The following SCFD2 variants were observed in gnomAD, a reference collection of about 807,000 sequenced individuals.
The protein encoded by SCFD2 is sec1 family domain-containing protein 2.
A neutral mutation model predicts 58.9 loss-of-function variants in SCFD2; 54 were observed. That is an observed-to-expected ratio of 0.92 (90% CI 0.74 to 1.15). The LOEUF (loss-of-function observed/expected upper bound fraction) is 1.15, where lower values mean the gene tolerates loss of function less well. Ranked by LOEUF, SCFD2 falls within the 50% of genes most tolerant of loss-of-function variation. The probability of loss-of-function intolerance (pLI) is 0.00; values close to 1 mark genes in which losing one functional copy is unlikely to be tolerated. For synonymous variants in SCFD2, 321 were observed against 335.9 expected (o/e 0.96, Z 0.49); for missense variants, 805 against 836.6 (o/e 0.96, Z 0.47).
chr4:53,289,839 T>C (rs770743227), intron 3 of SCFD2, among the ~76,000 whole-genome samples: 2 of 152,158 alleles, frequency 1.3e-5, no homozygotes, highest in African/African-American at 4.8e-5. Flanking sequence ...GGGGTAGCTA[T>C]ACTTAGATAA....
At chr4:53,016,904 C>T (rs879684473) in intron 5 of SCFD2, among the ~76,000 whole-genome samples, 3 of 152,234 alleles carry the variant, frequency 2.0e-5, no homozygotes, top group African/African-American at 7.2e-5. Context: ...GTCAGGAGTT[C>T]GAGACCATCC....
chr4:53,308,796 G>A lies in SCFD2; in HGVS notation c.1135+4840C>T, dbSNP rs1429371963. ...CAGAAATGAAAGTAAGTGTGGCATT[G>A]GTGGAAAACAAAAATCACAAATCTT... is the stretch of plus-strand genomic sequence containing the variant. On this transcript the variant is annotated intron_variant, in intron 3 of 8. Coordinates refer to ENST00000401642, the MANE Select transcript of SCFD2 (RefSeq NM_152540.4). Among the ~76,000 whole-genome samples, 5 of 152,232 alleles carry A rather than the reference G, an allele frequency of 3.3e-5. No individual in the cohort carries two copies. In the East Asian group the frequency reaches 7.7e-4, roughly 23 times the overall value.
chr4:53,064,638 G>T (rs781107841), intron 5 of SCFD2, among the ~76,000 whole-genome samples: 1 of 152,102 alleles, frequency 6.6e-6, no homozygotes, highest in Non-Finnish European at 1.5e-5. Flanking sequence ...GAGGGGAAAG[G>T]CTCTGTTATT....
chr4:53,225,328 G>C (rs745695807), intron 4 of SCFD2, among the ~76,000 whole-genome samples: 1 of 152,028 alleles, frequency 6.6e-6, no homozygotes, highest in African/African-American at 2.4e-5. Flanking sequence ...TCTCAGCATT[G>C]TTTGGGGTTT....
At chr4:53,352,946 C>T (rs1485328190) in intron 1 of SCFD2, among the ~76,000 whole-genome samples, 180 bp from the exon 2 acceptor site, 1 of 152,186 alleles carries the variant, frequency 6.6e-6, no homozygotes, top group Non-Finnish European at 1.5e-5. Context: ...TCAACATGTA[C>T]CTCACAGGTT....
At position 53,253,869 on chromosome 4, in the gene SCFD2, CCCTAAAACTTAA is replaced by C. The variant is rs745815015; in HGVS notation, c.1311+19945_1311+19956del. On this transcript the variant is annotated intron_variant, in intron 4 of 8. Transcript: ENST00000401642. ...CTAACCTGAACATTGTGCACATGTA[CCCTAAAACTTAA>C]AGTATAATTATAAAAAAAAAAAAAA... Among the ~76,000 whole-genome samples the C allele has an allele frequency of 4.0e-5, 6 of 148,514 alleles. No individual in the cohort carries two copies. The South Asian group carries it at 1.3e-3, about 32-fold the overall frequency.
At chr4:53,119,596 A>C (rs1400358566) in intron 5 of SCFD2, among the ~76,000 whole-genome samples, 15 of 152,222 alleles carry the variant, frequency 9.9e-5, no homozygotes, top group Non-Finnish European at 1.6e-4. Flanking sequence ...ATGGTTAAGA[A>C]AAAAATAAAG....
chr4:52,906,830 C>G (rs1719359540), intron 7 of SCFD2, among the ~76,000 whole-genome samples: 1 of 152,200 alleles, frequency 6.6e-6, no homozygotes, highest in South Asian at 2.1e-4. Context: ...AGAGGTCAGC[C>G]TGTAATCTTA....
At chr4:53,352,887 A>C (rs2149164296) in intron 1 of SCFD2, 121 bp from the exon 2 acceptor site, 1 of 863,072 alleles carries the variant, frequency 1.2e-6, no homozygotes, top group African/African-American at 1.7e-5. Context: ...TGTTCAACAA[A>C]ACTCACATTT....
At chr4:53,078,577 G>A (rs6829771) in intron 5 of SCFD2, among the ~76,000 whole-genome samples, 3,655 of 152,194 alleles carry the variant, frequency 0.024, 66 homozygotes, top group African/African-American at 0.046. Context: ...GACTCTATGC[G>A]CTAGTAATGT....
intron 5 of SCFD2, among the ~76,000 whole-genome samples, chr4:53,027,479 C>T (rs1722506390): frequency 6.6e-6 from 1 of 152,134 alleles, no homozygotes; most frequent in African/African-American, 2.4e-5. Context: ...AGTTCTTCAC[C>T]TGGAAGTCTG....
At chr4:53,255,122 T>C (rs1012471153) in intron 4 of SCFD2, among the ~76,000 whole-genome samples, 5 of 151,022 alleles carry the variant, frequency 3.3e-5, no homozygotes, top group Non-Finnish European at 7.4e-5. Flanking sequence ...CTGCCCGCCT[T>C]GGCCTCCCAA....
chr4:53,034,818 T>TA (rs1722714937), intron 5 of SCFD2, among the ~76,000 whole-genome samples: 1 of 151,984 alleles, frequency 6.6e-6, no homozygotes, highest in African/African-American at 2.4e-5. Context: ...CTCAACGAAA[T>TA]AAAAGAGGAC....
At chr4:53,252,465 C>T (rs1473343709) in intron 4 of SCFD2, among the ~76,000 whole-genome samples, 1 of 151,290 alleles carries the variant, frequency 6.6e-6, no homozygotes, top group Admixed American at 6.6e-5. Flanking sequence ...GGAGGCATCA[C>T]ACTACCTGAC....
At chr4:53,181,073 G>A (rs1034738845) in intron 4 of SCFD2, among the ~76,000 whole-genome samples, 3 of 152,126 alleles carry the variant, frequency 2.0e-5, no homozygotes, top group Non-Finnish European at 2.9e-5. Context: ...TCCACCAGAG[G>A]TACAAAGAGG....
At chr4:52,907,638 G>A (rs184251277) in intron 6 of SCFD2, 47 bp from the exon 7 acceptor site, 6 of 1,597,538 alleles carry the variant, frequency 3.8e-6, no homozygotes, top group South Asian at 2.2e-5. Flanking sequence ...TGGTTTGTCT[G>A]GAGAGAGGAC....
At chr4:53,001,583 G>A (rs1010929217) in intron 5 of SCFD2, among the ~76,000 whole-genome samples, 1 of 152,204 alleles carries the variant, frequency 6.6e-6, no homozygotes, top group Non-Finnish European at 1.5e-5. Flanking sequence ...CACATGAAAG[G>A]TAGATAGTAA....
chr4:52,950,541 T>C (rs985732127), intron 5 of SCFD2: 1 of 151,970 alleles, frequency 6.6e-6, no homozygotes, highest in South Asian at 2.1e-4. Context: ...GAAAGCAAAA[T>C]ACCTAGAGCA....
intron 5 of SCFD2, among the ~76,000 whole-genome samples, chr4:52,931,792 C>T (rs1720002221): frequency 6.6e-6 from 1 of 152,168 alleles, no homozygotes; most frequent in Admixed American, 6.5e-5. Context: ...CCTTTAGAGA[C>T]CTGATGGAGG....
Sources: gnomAD v4.1 joint callset for allele counts (sites outside exome capture counted in the v4.1 genomes callset) on GRCh38, gnomAD v4.1.1 for gene constraint, MANE v1.5 for transcripts, NCBI Gene and HGNC (gene_info 2026-07-23, HGNC 2026-07-21) for gene names.